PIK3CD: variants seen among roughly 807,000 people sequenced by gnomAD.
PIK3CD encodes phosphatidylinositol-4,5-bisphosphate 3-kinase catalytic subunit delta, also known as phosphatidylinositol 4,5-bisphosphate 3-kinase catalytic subunit delta isoform.
A neutral mutation model predicts 122.9 loss-of-function variants in PIK3CD; 20 were observed. That is an observed-to-expected ratio of 0.16 (90% confidence interval 0.11 to 0.24). The LOEUF (loss-of-function observed/expected upper bound fraction) is 0.24. PIK3CD is among the 10% of genes least tolerant of loss of function. The probability of loss-of-function intolerance (pLI) is 1.00; values close to 1 mark genes in which losing one functional copy is unlikely to be tolerated. For missense variants in PIK3CD, 787 were observed against 1,406.3 expected (o/e 0.56, Z 7.04); for synonymous variants, 596 against 593.4 (o/e 1.00, Z -0.06).
In PIK3CD at chr1:9,717,051, C is replaced by T; in HGVS notation, c.873C>T (p.Asn291=). ...SILAMRDEQS[N]PAPQVQKPRA... ...TCGCCATGCGGGATGAGCAGAGCAA[C>T]CCTGCCCCCCAGGTCCAGAAACCGC... The change falls in exon 7 of 24, where the codon AAC becomes AAT. Residue 291 remains asparagine, a synonymous_variant. Coordinates refer to ENST00000377346, the MANE Select transcript of PIK3CD (RefSeq NM_005026.5). The surrounding 1 kb of genome is among the most constrained non-coding windows in gnomAD (Gnocchi z 5.4). 2 of 1,614,014 alleles carry T rather than the reference C, an allele frequency of 1.2e-6. No homozygotes were observed. The highest frequency in any genetic ancestry group is 1.7e-6 in the Non-Finnish European group (2 of 1,180,042).
chr1:9,640,580 AAAAAAAG>A, the PIK3CD span, among the ~76,000 whole-genome samples: 4 of 148,672 alleles, frequency 2.7e-5, no homozygotes, highest in African/African-American at 1.0e-4. Flanking sequence ...ACTCTGTCTC[AAAAAAAG>A]AAAAAAAAAA....
At chr1:9,686,985 C>G (rs1371688091) in intron 1 of PIK3CD, among the ~76,000 whole-genome samples, 1 of 152,174 alleles carries the variant, frequency 6.6e-6, no homozygotes, top group Non-Finnish European at 1.5e-5. Flanking sequence ...CAGGGCAGTT[C>G]CAGTTCATCG....
At position 9,717,131 on chromosome 1, in the gene PIK3CD, C is replaced by T. The variant is rs759489536; in HGVS notation, c.930+23C>T. 1 of 1,613,626 alleles carries T rather than the reference C, an allele frequency of 6.2e-7. No individual in the cohort carries two copies. The highest frequency in any genetic ancestry group is 1.1e-5 in the South Asian group (1 of 91,086). ...AAGGTGAGATGGCGCCTTCCGCCTC[C>T]CCTCTGAGCCACCCCTTCTTTCCAC... On this transcript the variant is annotated intron_variant, in intron 7 of 23. Coordinates refer to ENST00000377346, the MANE Select transcript of PIK3CD (RefSeq NM_005026.5). This position sits in a 1 kb window ranked among gnomAD's most constrained non-coding sequence, Gnocchi z 5.4.
chr1:9,654,087 A>T (rs1644763446), intron 1 of PIK3CD: 2 of 1,179,646 alleles, frequency 1.7e-6, no homozygotes, highest in South Asian at 2.5e-5. Context: ...ACATAATACA[A>T]CAACCCAGTT....
At chr1:9,690,346 C>T (rs1471303437) in intron 1 of PIK3CD, among the ~76,000 whole-genome samples, 1 of 152,194 alleles carries the variant, frequency 6.6e-6, no homozygotes, top group Non-Finnish European at 1.5e-5. Flanking sequence ...TCTTCCTTCT[C>T]GGCTCCCTCT....
At chr1:9,685,571 C>G (rs966024771) in intron 1 of PIK3CD, among the ~76,000 whole-genome samples, 1 of 152,088 alleles carries the variant, frequency 6.6e-6, no homozygotes, top group Non-Finnish European at 1.5e-5. Context: ...GTTGGCCAGG[C>G]CAGTCTCGAA....
At chr1:9,639,642 G>A in the PIK3CD span, among the ~76,000 whole-genome samples, 33 of 152,182 alleles carry the variant, frequency 2.2e-4, no homozygotes, top group Non-Finnish European at 3.8e-4. Context: ...ATAAGGCCTC[G>A]CTTTCTGGAG....
chr1:9,700,042 C>T lies in PIK3CD; in HGVS notation c.-33+8471C>T, dbSNP rs1213588037. On this transcript the variant is annotated intron_variant, in intron 2 of 23. Coordinates refer to ENST00000377346, the MANE Select transcript of PIK3CD (RefSeq NM_005026.5). The surrounding 1 kb of genome is among the most constrained non-coding windows in gnomAD (Gnocchi z 5.1). ...ATCCAAAGGAAACGCTGCCTGCAAG[C>T]CCCTTTTTATTATATTCCAGTGCTT... is the stretch of plus-strand genomic sequence containing the variant. Among the ~76,000 whole-genome samples, 1 of 152,186 alleles carries T rather than the reference C, an allele frequency of 6.6e-6. No individual in the cohort carries two copies. The highest frequency in any genetic ancestry group is 1.5e-5 in the Non-Finnish European group (1 of 68,036).
chr1:9,720,713 G>GAGCC lies in PIK3CD; in HGVS notation c.1522-28_1522-25dup. The GAGCC allele has an allele frequency of 6.2e-7, 1 of 1,602,858 alleles. No individual in the cohort carries two copies. On this transcript the variant is annotated intron_variant, in intron 12 of 23. Coordinates refer to ENST00000377346, the MANE Select transcript of PIK3CD (RefSeq NM_005026.5). The surrounding 1 kb of genome is among the most constrained non-coding windows in gnomAD (Gnocchi z 9.0). ...GGGGCATGGAGCCGGCGTGGAACCA[G>GAGCC]AGCCCTCACTCCTGCCCACACCCCT...
At chr1:9,644,583 C>T in the PIK3CD span, among the ~76,000 whole-genome samples, 2 of 152,054 alleles carry the variant, frequency 1.3e-5, no homozygotes, top group African/African-American at 2.4e-5. Context: ...CAGCCATCAT[C>T]GTTCTTCAAG....
In PIK3CD at chr1:9,691,484, G is replaced by A. The variant is rs1646193864; in HGVS notation, c.-120G>A. On this transcript the variant is annotated 5_prime_UTR_variant, in exon 2 of 24. Transcript: ENST00000377346. Reference sequence around the variant, plus strand: ...CCCAACAGATAAGGAGTCAGGCCAGGGCGGGATGACACTCATTGATTCTAA... The same window carrying A: ...CCCAACAGATAAGGAGTCAGGCCAGAGCGGGATGACACTCATTGATTCTAA... 2.5e-6 allele frequency: 1 copy of A among 398,502 alleles called. No individual in the cohort carries two copies. Among genetic ancestry groups the A allele is most frequent in the South Asian group, 1.3e-4 (1 of 7,856 alleles). The allele number at this position is 398,502 out of a possible 1,614,324, so 24.7% of individuals were successfully genotyped here.
chr1:9,696,996 G>A (rs959679050), intron 2 of PIK3CD, among the ~76,000 whole-genome samples: 5 of 150,940 alleles, frequency 3.3e-5, no homozygotes, highest in African/African-American at 9.8e-5. Flanking sequence ...CTGAGGAGGC[G>A]GAGATTGCAG....
intron 16 of PIK3CD, 56 bp downstream of exon 16, chr1:9,721,916 C>T (rs1391628149): frequency 6.2e-7 from 1 of 1,611,972 alleles, no homozygotes; most frequent in Non-Finnish European, 8.5e-7. Context: ...GTCTGGGAAT[C>T]CCCAGGGCTG....
chr1:9,727,437 C>A lies in PIK3CD; in HGVS notation c.*391C>A. ...TGGCGGTCACCTGGTGCCTACTGTCCGACAGGATGCCTTGATCCTCGTGCG... is the reference window on the plus strand; with the variant it reads ...TGGCGGTCACCTGGTGCCTACTGTCAGACAGGATGCCTTGATCCTCGTGCG... On this transcript the variant is annotated 3_prime_UTR_variant, in exon 24 of 24. Coordinates refer to ENST00000377346, the MANE Select transcript of PIK3CD (RefSeq NM_005026.5). 2.5e-6 allele frequency: 1 copy of A among 406,570 alleles called. No homozygotes were observed. 25.2% of individuals were successfully genotyped at this position (406,570 alleles called of 1,614,324 possible).
rs1480251392 is a variant in PIK3CD at position 9,719,410 on chromosome 1, C to T, written c.1242+495C>T. On this transcript the variant is annotated intron_variant, in intron 9 of 23. Transcript: ENST00000377346. The surrounding 1 kb of genome is among the most constrained non-coding windows in gnomAD (Gnocchi z 5.5). The stretch of plus-strand genomic sequence containing the variant: ...GCGTGGTGGCTCATGCCTGTAATCC[C>T]AGCACTTTGGGAGGCCAAGGTGGTC... 6.6e-6 allele frequency among the ~76,000 whole-genome samples: 1 copy of T among 152,108 alleles called. No homozygotes were observed. Among genetic ancestry groups the T allele is most frequent in the Non-Finnish European group, 1.5e-5 (1 of 68,018 alleles).
chr1:9,640,893 T>A, the PIK3CD span, among the ~76,000 whole-genome samples: 2 of 152,032 alleles, frequency 1.3e-5, no homozygotes, highest in East Asian at 3.9e-4. Flanking sequence ...GCCCAGGGCC[T>A]TTGCACCATT....
Position 9,724,242 on chromosome 1 carries a change from T to C in PIK3CD, c.2719-34T>C, listed in dbSNP as rs1649141709. On this transcript the variant is annotated intron_variant, in intron 21 of 23. Coordinates refer to ENST00000377346, the MANE Select transcript of PIK3CD (RefSeq NM_005026.5). The surrounding 1 kb of genome is among the most constrained non-coding windows in gnomAD (Gnocchi z 7.3). The stretch of plus-strand genomic sequence containing the variant: ...CTGGATTCTCTCCTGTCTGACACCT[T>C]CTCAATCCTCCCCCTCCTCTCCCCT... The C allele has an allele frequency of 6.2e-7, 1 of 1,613,678 alleles. No homozygotes were observed. Among genetic ancestry groups the C allele is most frequent in the African/African-American group, 1.3e-5 (1 of 74,884 alleles).
At chr1:9,671,443 C>T (rs12064486) in intron 1 of PIK3CD, among the ~76,000 whole-genome samples, 5,302 of 152,238 alleles carry the variant, frequency 0.035, 244 homozygotes, top group African/African-American at 0.094. Context: ...GATCCTCCCA[C>T]CTCAGCCTCT....
At chr1:9,702,663 G>C (rs570312441) in intron 2 of PIK3CD, among the ~76,000 whole-genome samples, 1 of 151,212 alleles carries the variant, frequency 6.6e-6, no homozygotes, top group Non-Finnish European at 1.5e-5. Flanking sequence ...TGGGATTATA[G>C]GCATGTGCCA....
Sources: allele counts gnomAD v4.1 joint callset (sites outside exome capture counted in the v4.1 genomes callset), GRCh38; gene constraint gnomAD v4.1.1; non-coding constraint Gnocchi (gnomAD v3.1); transcripts MANE v1.5; gene names NCBI Gene and HGNC (gene_info 2026-07-23, HGNC 2026-07-21).